CCDC57: variants seen among roughly 807,000 people sequenced by gnomAD.
The protein encoded by CCDC57 is coiled-coil domain containing 57.
A neutral mutation model predicts 118.9 loss-of-function variants in CCDC57; 118 were observed. That is an observed-to-expected ratio of 0.99 (90% CI 0.86 to 1.16). CCDC57 has a LOEUF of 1.16. Ranked by LOEUF, CCDC57 falls within the 50% of genes most tolerant of loss-of-function variation. The pLI is 0.00. For synonymous variants in CCDC57, 527 were observed against 532.9 expected (o/e 0.99, Z 0.15); for missense variants, 1,300 against 1,320.7 (o/e 0.98, Z 0.24).
intron 8 of CCDC57, 93 bp from the exon 8 acceptor site, chr17:82,184,025 G>GCGCGCGCA: frequency 5.2e-6 from 2 of 387,908 alleles, no homozygotes; most frequent in Non-Finnish European, 9.4e-6. Context: ...ATGCGCGCGC[G>GCGCGCGCA]CGCGCGCACA....
chr17:82,189,147 A>T (rs568674644), intron 7 of CCDC57, among the ~76,000 whole-genome samples: 33 of 152,166 alleles, frequency 2.2e-4, no homozygotes, highest in Admixed American at 6.5e-4. Flanking sequence ...GGGTGCCCAT[A>T]GTCCCATTTA....
At chr17:82,167,893 G>A (rs1287124568) in intron 13 of CCDC57, among the ~76,000 whole-genome samples, 1 of 152,262 alleles carries the variant, frequency 6.6e-6, no homozygotes, top group Non-Finnish European at 1.5e-5. Flanking sequence ...TGGGATGACA[G>A]GCATGAGCCA....
chr17:82,193,013 C>T (rs992680392), intron 7 of CCDC57, among the ~76,000 whole-genome samples: 3 of 152,146 alleles, frequency 2.0e-5, no homozygotes, highest in Admixed American at 2.0e-4. Context: ...TCTGGGATTA[C>T]AGGCCTGAGC....
intron 3 of CCDC57, among the ~76,000 whole-genome samples, 188 bp from the exon 3 acceptor site, chr17:82,198,610 G>A (rs1047905442): frequency 2.6e-5 from 4 of 151,786 alleles, no homozygotes; most frequent in African/African-American, 9.7e-5. Flanking sequence ...ATCTATAAAA[G>A]AGGAAATTAA....
rs775637743 is a variant in CCDC57, at chr17:82,179,011, T to C, written c.1374+16A>G. The C allele has an allele frequency of 3.1e-6, 5 of 1,611,328 alleles. No homozygotes were observed. The highest frequency in any genetic ancestry group is 4.2e-6 in the Non-Finnish European group (5 of 1,178,440). On this transcript the variant is annotated intron_variant, in intron 10 of 19. Transcript: ENST00000665763. ...GAGACGCCGAGAAGGCCCCAGGCCC[T>C]GGTGGCCGCACACACCTGACTTTTT...
At position 82,172,206 on chromosome 17, in the gene CCDC57, C is replaced by T. The variant is rs932451811; in HGVS notation, c.1730-353G>A. Among the ~76,000 whole-genome samples, 2 of 152,206 alleles carry T rather than the reference C, an allele frequency of 1.3e-5. No individual in the cohort carries two copies. The highest frequency in any genetic ancestry group is 4.8e-5 in the African/African-American group (2 of 41,440). ...GAGAACGGAAGCTCTGCCTCCATCC[C>T]GGCATCTGCCCACCCACAGCCACTC... On this transcript the variant is annotated intron_variant, in intron 12 of 19. Coordinates refer to ENST00000665763, the Ensembl canonical transcript of CCDC57. The surrounding 1 kb of genome is among the most constrained non-coding windows in gnomAD (Gnocchi z 5.2).
intron 17 of CCDC57, among the ~76,000 whole-genome samples, chr17:82,131,550 G>A (rs1157304038): frequency 6.6e-6 from 1 of 152,094 alleles, no homozygotes; most frequent in Admixed American, 6.5e-5. Context: ...AGACCAGCCT[G>A]AGTGACACGG....
intron 19 of CCDC57, among the ~76,000 whole-genome samples, chr17:82,102,784 C>T (rs2034541943): frequency 6.6e-6 from 1 of 151,902 alleles, no homozygotes. Flanking sequence ...ACTTAGGAGG[C>T]TGAGGCAGCG....
chr17:82,117,662 A>G (rs957921650), intron 19 of CCDC57, among the ~76,000 whole-genome samples: 1 of 147,224 alleles, frequency 6.8e-6, no homozygotes, highest in Non-Finnish European at 1.5e-5. Context: ...CTCAAAATAC[A>G]TACATAAAAT....
Position 82,171,872 on chromosome 17 carries a change from G to A in CCDC57, c.1730-19C>T, listed in dbSNP as rs746153671. 6.2e-7 allele frequency: 1 copy of A among 1,608,854 alleles called. No homozygotes were observed. The highest frequency in any genetic ancestry group is 2.2e-5 in the East Asian group (1 of 44,740). On this transcript the variant is annotated intron_variant, in intron 12 of 19. Transcript: ENST00000665763. Reference sequence around the variant, plus strand: ...ACATAATCTGCCAAAAAAACCTCCAGTGAATATAACACATACACAGCATCC... The same window carrying A: ...ACATAATCTGCCAAAAAAACCTCCAATGAATATAACACATACACAGCATCC...
At chr17:82,173,839 A>C (rs1351252388) in intron 11 of CCDC57, among the ~76,000 whole-genome samples, 1 of 149,128 alleles carries the variant, frequency 6.7e-6, no homozygotes, top group Non-Finnish European at 1.5e-5. Flanking sequence ...GCAGGAGGAG[A>C]GACAGGCCCC....
intron 9 of CCDC57, among the ~76,000 whole-genome samples, chr17:82,179,499 C>T (rs1473429513): frequency 6.6e-6 from 1 of 152,156 alleles, no homozygotes; most frequent in East Asian, 1.9e-4. Flanking sequence ...AGATCATAAA[C>T]GCGGTTATGC....
chr17:82,169,539 G>C (rs147538371), intron 13 of CCDC57, among the ~76,000 whole-genome samples: 4 of 152,150 alleles, frequency 2.6e-5, no homozygotes, highest in South Asian at 2.1e-4. Flanking sequence ...CTACACTAAG[G>C]GGGGCTGTGG....
At chr17:82,208,534 C>T (rs2049933676) in intron 1 of CCDC57, among the ~76,000 whole-genome samples, 1 of 152,038 alleles carries the variant, frequency 6.6e-6, no homozygotes, top group Non-Finnish European at 1.5e-5. Flanking sequence ...GGATTACAGG[C>T]GTGAGCCACC....
exon 2 of CCDC57, chr17:82,207,893 G>A (rs1209815647): frequency 4.6e-5 from 7 of 152,124 alleles, no homozygotes; most frequent in African/African-American, 7.2e-5. Flanking sequence ...GAACTGAACC[G>A]AAGGACACCC....
chr17:82,117,043 C>G (rs1240635233), intron 19 of CCDC57, among the ~76,000 whole-genome samples: 1 of 152,172 alleles, frequency 6.6e-6, no homozygotes, highest in Admixed American at 6.5e-5. Context: ...GAAAAATGAC[C>G]AACCTCATCA....
At chr17:82,125,217 G>C (rs1366571709) in intron 19 of CCDC57, among the ~76,000 whole-genome samples, 2 of 152,060 alleles carry the variant, frequency 1.3e-5, no homozygotes, top group Non-Finnish European at 2.9e-5. Flanking sequence ...GGGGGAACCA[G>C]ACTCAGACAA....
rs113046430 is a variant in CCDC57, at chr17:82,190,784, C to T, written c.852-2365G>A. 7.4e-4 allele frequency among the ~76,000 whole-genome samples: 111 copies of T among 150,720 alleles called. 2 individuals are homozygous for T. Among genetic ancestry groups the T allele is most frequent in the African/African-American group, 2.3e-3 (96 of 40,994 alleles). ...CATGAGTTCAACAGCAAGGTGTTGA[C>T]GTCGTCTGCTTGCTCCCAGACATAA... On this transcript the variant is annotated intron_variant, in intron 7 of 19. Coordinates refer to ENST00000665763, the Ensembl canonical transcript of CCDC57.
intron 14 of CCDC57, among the ~76,000 whole-genome samples, chr17:82,161,326 T>C (rs4789740): frequency 0.47 from 70,599 of 151,614 alleles, 17,213 homozygotes; most frequent in East Asian, 0.88. Flanking sequence ...AGTTAATGTC[T>C]GGGGAAAACA....
Sources: gnomAD v4.1 joint callset for allele counts (sites outside exome capture counted in the v4.1 genomes callset) on GRCh38, gnomAD v4.1.1 for gene constraint, Gnocchi (gnomAD v3.1) non-coding constraint, MANE v1.5 for transcripts, NCBI Gene and HGNC (gene_info 2026-07-23, HGNC 2026-07-21) for gene names.